PRR5L: variants seen among roughly 807,000 people sequenced by gnomAD.
PRR5L encodes the protein proline-rich protein 5-like.
In PRR5L, 21 loss-of-function variants were observed where a neutral mutation model predicts 36.4. The ratio of observed to expected loss-of-function variants is 0.58; its 90% CI spans 0.41 to 0.83. The LOEUF (loss-of-function observed/expected upper bound fraction) is 0.83, where lower values mean the gene tolerates loss of function less well. PRR5L is among the 40% of genes least tolerant of loss of function. PRR5L has a pLI of 0.00. For synonymous variants in PRR5L, 188 were observed against 197.0 expected (o/e 0.95, Z 0.38); for missense variants, 381 against 473.3 (o/e 0.80, Z 1.81).
intron 1 of PRR5L, among the ~76,000 whole-genome samples, chr11:36,381,908 C>T (rs1261218915): frequency 2.0e-5 from 3 of 151,974 alleles, no homozygotes; most frequent in Non-Finnish European, 4.4e-5. Context: ...TCTGTAATCC[C>T]AGCACTTTGG....
rs190840130 is a variant in PRR5L at position 36,464,114 on chromosome 11, C to A, written c.*1378C>A. 8 of 152,324 alleles carry A rather than the reference C, an allele frequency of 5.3e-5. No homozygotes were observed. The highest frequency in any genetic ancestry group is 1.9e-4 in the African/African-American group (8 of 41,570). The allele number at this position is 152,324 out of a possible 1,614,324, so 9.4% of individuals were successfully genotyped here. On this transcript the variant is annotated 3_prime_UTR_variant, in exon 9 of 9. Coordinates refer to ENST00000530639, the MANE Select transcript of PRR5L (RefSeq NM_001160167.2). ...GTGCTGCATCCTTCTACTGCTCCCT[C>A]CAGGTCTGGGGGCTTTTATCCACCT... is the stretch of plus-strand genomic sequence containing the variant.
intron 3 of PRR5L, among the ~76,000 whole-genome samples, chr11:36,414,462 C>T (rs2133575631): frequency 6.7e-6 from 1 of 148,674 alleles, no homozygotes; most frequent in East Asian, 2.0e-4. Flanking sequence ...CTCTGATGGC[C>T]AGTGATGCTG....
chr11:36,303,051 G>T (rs900929015), intron 1 of PRR5L, among the ~76,000 whole-genome samples: 3 of 152,170 alleles, frequency 2.0e-5, no homozygotes, highest in African/African-American at 7.2e-5. Flanking sequence ...AGCCCACGCT[G>T]CCCTAATCGC....
intron 1 of PRR5L, among the ~76,000 whole-genome samples, chr11:36,298,933 A>G (rs1856343680): frequency 6.6e-6 from 1 of 152,184 alleles, no homozygotes. Context: ...GCAGTCAGAG[A>G]GGATTAAGGC....
chr11:36,424,247 G>A (rs1052914080), intron 4 of PRR5L, among the ~76,000 whole-genome samples: 5 of 152,178 alleles, frequency 3.3e-5, no homozygotes, highest in African/African-American at 1.2e-4. Context: ...ACCAAAGGCT[G>A]AAAATATATC....
At chr11:36,375,333 A>G (rs1383118410) in intron 1 of PRR5L, among the ~76,000 whole-genome samples, 2 of 152,022 alleles carry the variant, frequency 1.3e-5, no homozygotes, top group Admixed American at 1.3e-4. Context: ...GCCCTTCATC[A>G]TTCTAGGGCT....
rs62621409 is a variant in PRR5L, at chr11:36,437,447, A to G, written c.415A>G (p.Thr139Ala). The G allele has an allele frequency of 0.04, 65,068 of 1,609,680 alleles. 1,709 individuals carry two copies. The highest frequency in any genetic ancestry group is 0.044 in the Middle Eastern group (266 of 6,052). Residue 139 changes from threonine to alanine, a missense_variant, in exon 6 of 9, where the codon ACC becomes GCC. By Grantham distance (58) the Thr-to-Ala change is moderately conservative (BLOSUM62 0). Coordinates refer to ENST00000530639, the MANE Select transcript of PRR5L (RefSeq NM_001160167.2). Reference sequence around the variant, plus strand: ...CCACTTCTTCACTGAGACTCTCCCTACCCTGCAGGCAATATTTTATCCAGT... The same window carrying G: ...CCACTTCTTCACTGAGACTCTCCCTGCCCTGCAGGCAATATTTTATCCAGT... ...WDHFFTETLPTLQAIFYPVQG... is the reference protein window; with the variant it reads ...WDHFFTETLPALQAIFYPVQG...
chr11:36,390,634 C>T (rs1857546941), intron 1 of PRR5L, among the ~76,000 whole-genome samples: 1 of 152,138 alleles, frequency 6.6e-6, no homozygotes, highest in African/African-American at 2.4e-5. Flanking sequence ...TGCTTCCAAA[C>T]AGGTGCTTTC....
intron 3 of PRR5L, among the ~76,000 whole-genome samples, chr11:36,405,083 GCT>G (rs1857881131): frequency 1.3e-5 from 2 of 152,144 alleles, no homozygotes; most frequent in South Asian, 2.1e-4. Context: ...GTACTTAAAA[GCT>G]CTGTTTGTGG....
chr11:36,394,646 T>A (rs1238485005), intron 1 of PRR5L, among the ~76,000 whole-genome samples: 5 of 152,202 alleles, frequency 3.3e-5, no homozygotes, highest in African/African-American at 7.2e-5. Context: ...TGTCTCCATA[T>A]CACCTTCTTC....
intron 4 of PRR5L, among the ~76,000 whole-genome samples, chr11:36,430,662 G>A (rs988738205): frequency 2.0e-5 from 3 of 152,130 alleles, no homozygotes; most frequent in Non-Finnish European, 4.4e-5. Context: ...TGATTACTAA[G>A]GACATAAAAT....
intron 7 of PRR5L, among the ~76,000 whole-genome samples, chr11:36,447,600 T>C (rs1858857915): frequency 6.6e-6 from 1 of 152,198 alleles, no homozygotes; most frequent in Non-Finnish European, 1.5e-5. Context: ...GATGGCTTCA[T>C]CCTTGATCAG....
chr11:36,323,805 A>G (rs771479620), intron 1 of PRR5L, among the ~76,000 whole-genome samples: 5 of 152,164 alleles, frequency 3.3e-5, no homozygotes, highest in Non-Finnish European at 5.9e-5. Context: ...AGATTGCTTC[A>G]GTTTAGGGAG....
intron 1 of PRR5L, among the ~76,000 whole-genome samples, chr11:36,330,981 T>C (rs527721141): frequency 7.0e-4 from 107 of 152,222 alleles, no homozygotes; most frequent in Non-Finnish European, 1.2e-3. Context: ...AATTTTTGTA[T>C]TTTTAGTAGA....
intron 3 of PRR5L, among the ~76,000 whole-genome samples, chr11:36,409,956 A>G (rs1439640149): frequency 6.6e-6 from 1 of 152,218 alleles, no homozygotes; most frequent in Non-Finnish European, 1.5e-5. Context: ...CAGAGCTGGC[A>G]TTATCCAGAT....
Position 36,317,238 on chromosome 11 carries a change from A to T in PRR5L, c.-126+20800A>T, listed in dbSNP as rs115760898. Among the ~76,000 whole-genome samples the T allele has an allele frequency of 2.7e-3, 413 of 152,348 alleles. 1 individual carries two copies. Among genetic ancestry groups the T allele is most frequent in the African/African-American group, 9.5e-3 (396 of 41,588 alleles). ...AGGGCAACCAGCTGGAGAGGTAGTAAGGAATGGATAAGCGTCTTAACACTG... is the reference window on the plus strand; with the variant it reads ...AGGGCAACCAGCTGGAGAGGTAGTATGGAATGGATAAGCGTCTTAACACTG... On this transcript the variant is annotated intron_variant, in intron 1 of 8. Transcript: ENST00000530639.
intron 4 of PRR5L, among the ~76,000 whole-genome samples, chr11:36,428,885 T>C (rs1274823831): frequency 1.3e-5 from 2 of 151,912 alleles, no homozygotes; most frequent in Non-Finnish European, 2.9e-5. Context: ...GAGGAGAGAA[T>C]GTATAGATGA....
chr11:36,436,658 T>G (rs1381152056), intron 5 of PRR5L, among the ~76,000 whole-genome samples: 1 of 152,228 alleles, frequency 6.6e-6, no homozygotes, highest in African/African-American at 2.4e-5. Context: ...AGCCAATATC[T>G]TAATGAGTAA....
chr11:36,314,733 G>A (rs961308569), intron 1 of PRR5L, among the ~76,000 whole-genome samples: 3 of 152,140 alleles, frequency 2.0e-5, no homozygotes, highest in Admixed American at 6.5e-5. Context: ...TAGATTCATT[G>A]ATGTATGAAG....
Sources: allele counts gnomAD v4.1 joint callset (sites outside exome capture counted in the v4.1 genomes callset), GRCh38; gene constraint gnomAD v4.1.1; transcripts MANE v1.5; gene names NCBI Gene and HGNC (gene_info 2026-07-23, HGNC 2026-07-21).